The following TNS3 variants were observed in gnomAD, a reference collection of about 807,000 sequenced individuals.
TNS3 encodes the protein tensin-3.
Under a neutral mutation model 140.9 loss-of-function variants are expected in TNS3, and 45 were observed. The observed-to-expected ratio is 0.32, with a 90% confidence interval of 0.25 to 0.41. The LOEUF (loss-of-function observed/expected upper bound fraction) is 0.41, where lower values mean the gene tolerates loss of function less well. Among genes scored for constraint, TNS3 ranks in the 10% least tolerant of loss-of-function variants. The pLI, the probability that TNS3 is intolerant of heterozygous loss-of-function variation, is 1.00. For synonymous variants in TNS3, 815 were observed against 788.4 expected, an observed-to-expected ratio of 1.03 and a Z score of -0.56; for missense variants, 1,716 against 1,906.7, an observed-to-expected ratio of 0.90 and a Z score of 1.86.
chr7:47,293,628 G>C, intron 25 of TNS3, 105 bp downstream of exon 25: 1 of 966,396 alleles, frequency 1.0e-6, no homozygotes, highest in Non-Finnish European at 1.6e-6. Context: ...TGAAATATGA[G>C]TAAACCACCA....
chr7:47,292,596 T>C (rs1008293298), intron 26 of TNS3, among the ~76,000 whole-genome samples: 1 of 152,346 alleles, frequency 6.6e-6, no homozygotes, highest in East Asian at 1.9e-4. Flanking sequence ...TAGAAATCTT[T>C]CATCAAAATC....
intron 13 of TNS3, among the ~76,000 whole-genome samples, chr7:47,408,042 T>C (rs1041493455): frequency 1.3e-5 from 2 of 151,928 alleles, no homozygotes; most frequent in African/African-American, 4.8e-5. Flanking sequence ...CGGGTTCCAG[T>C]GGCCTGAGGG....
chr7:47,452,987 C>G (rs1796086944), intron 4 of TNS3: 1 of 985,446 alleles, frequency 1.0e-6, no homozygotes, highest in Admixed American at 6.1e-5. Flanking sequence ...CTTCCAGAAA[C>G]AGCTCCTCCT....
rs1791484658 is a variant in TNS3 at position 47,377,710 on chromosome 7, C to CCCTCCTCCCTTTCCTCCTCCTCCT, written c.1025-8090_1025-8089insAGGAGGAGGAGGAAAGGGAGGAGG. Among the ~76,000 whole-genome samples the CCCTCCTCCCTTTCCTCCTCCTCCT allele has an allele frequency of 8.8e-5, 10 of 113,980 alleles. 1 individual carries two copies. In the South Asian group the frequency reaches 2.2e-3, roughly 25 times the overall value. 74.8% of individuals were successfully genotyped at this position (113,980 alleles called of 152,430 possible). A position where few individuals can be genotyped will look rare whatever the true frequency, so the allele number is the denominator to read the frequency against. On this transcript the variant is annotated intron_variant, in intron 16 of 30. Transcript: ENST00000311160. ...CTTCCTTCCCTCTTCCTCTTTTTCC[C>CCCTCCTCCCTTTCCTCCTCCTCCT]CCTCCTCCCTTTCCTCCTCCTTCTC...
chr7:47,409,107 AGGAG>A (rs752743768), intron 13 of TNS3, among the ~76,000 whole-genome samples: 73 of 152,216 alleles, frequency 4.8e-4, no homozygotes, highest in Non-Finnish European at 9.0e-4. Context: ...ATGAGGAGGA[AGGAG>A]GGAGGGAGCA....
chr7:47,504,325 G>C (rs913815988), intron 3 of TNS3, among the ~76,000 whole-genome samples: 1 of 152,224 alleles, frequency 6.6e-6, no homozygotes, highest in African/African-American at 2.4e-5. Context: ...TGCCACAGAA[G>C]GGGCTCTGAG....
At chr7:47,453,171 C>T (rs1172538228) in intron 4 of TNS3, 3 of 985,486 alleles carry the variant, frequency 3.0e-6, no homozygotes, top group African/African-American at 3.5e-5. Context: ...CCCGGCCCCA[C>T]GGTGAGCACG....
intron 1 of TNS3, among the ~76,000 whole-genome samples, chr7:47,558,856 G>T (rs1347138449): frequency 6.6e-6 from 1 of 152,170 alleles, no homozygotes; most frequent in East Asian, 1.9e-4. Context: ...CCAAGGCCAT[G>T]AGCAGGAGGA....
intron 13 of TNS3, among the ~76,000 whole-genome samples, chr7:47,408,465 G>C (rs1351017084): frequency 2.6e-5 from 4 of 152,084 alleles, no homozygotes. Flanking sequence ...CCTATGGGGT[G>C]GGTGGGGTGC....
chr7:47,474,558 A>C (rs921807753), intron 4 of TNS3, among the ~76,000 whole-genome samples: 3 of 148,554 alleles, frequency 2.0e-5, no homozygotes, highest in African/African-American at 7.5e-5. Flanking sequence ...CAACACACAC[A>C]GCACAACACA....
intron 17 of TNS3, among the ~76,000 whole-genome samples, chr7:47,350,654 G>A (rs1789613160): frequency 6.6e-6 from 1 of 152,234 alleles, no homozygotes; most frequent in Non-Finnish European, 1.5e-5. Context: ...CCACTTGGCA[G>A]GGGTGGACTC....
chr7:47,462,582 T>C (rs1307680267), intron 4 of TNS3, among the ~76,000 whole-genome samples: 1 of 152,172 alleles, frequency 6.6e-6, no homozygotes, highest in African/African-American at 2.4e-5. Flanking sequence ...CTGTAATTGA[T>C]TAGGTATTGA....
At chr7:47,405,789 G>A (rs866263193) in intron 13 of TNS3, among the ~76,000 whole-genome samples, 5 of 152,028 alleles carry the variant, frequency 3.3e-5, no homozygotes, top group East Asian at 1.9e-4. Flanking sequence ...AAGTGCCCTC[G>A]GTAAGAAACA....
intron 13 of TNS3, among the ~76,000 whole-genome samples, chr7:47,405,765 C>T (rs1183413645): frequency 6.6e-6 from 1 of 152,150 alleles, no homozygotes; most frequent in African/African-American, 2.4e-5. Flanking sequence ...CTTTCATTTT[C>T]CCTGGCCTTA....
chr7:47,418,747 GCATTATTCACAGCCACTTCTA>G (rs2151446308), intron 10 of TNS3, among the ~76,000 whole-genome samples: 1 of 152,328 alleles, frequency 6.6e-6, no homozygotes, highest in Non-Finnish European at 1.5e-5. Context: ...GTTGTCCCTT[GCATTATTCACAGCCACTTCTA>G]ACAGCAAAAA....
chr7:47,392,685 A>C (rs972501218), intron 16 of TNS3, among the ~76,000 whole-genome samples: 2 of 152,234 alleles, frequency 1.3e-5, no homozygotes, highest in Admixed American at 1.3e-4. Context: ...CAGGGACCTG[A>C]GCCAGGCACT....
At chr7:47,301,071 T>G (rs1786373262) in intron 23 of TNS3, among the ~76,000 whole-genome samples, 1 of 152,218 alleles carries the variant, frequency 6.6e-6, no homozygotes, top group Non-Finnish European at 1.5e-5. Context: ...AACTATTCAT[T>G]TCTAGGCATT....
chr7:47,429,370 C>G (rs1048007406), intron 8 of TNS3, among the ~76,000 whole-genome samples: 1 of 125,586 alleles, frequency 8.0e-6, no homozygotes, highest in Non-Finnish European at 1.8e-5. Context: ...TACAATCTGG[C>G]TCTTTTTTTT....
Position 47,439,529 on chromosome 7 carries a change from C to T in TNS3, c.108G>A (p.Glu36=). The T allele has an allele frequency of 6.2e-7, 1 of 1,614,050 alleles. No individual in the cohort carries two copies. Among genetic ancestry groups the T allele is most frequent in the Non-Finnish European group, 8.5e-7 (1 of 1,179,982 alleles). Residue 36 remains glutamate (E), a synonymous_variant, in exon 6 of 31, where the codon GAG becomes GAA. Transcript: ENST00000311160. ...GCTTGGACTTGAGCATGCGCGTGAC[C>T]TCCTGTAGGTTGTGCAGGTAGGACT... ...SEESYLHNLQ[E]VTRMLKSKHG... is the part of the protein sequence containing the mutation.
Sources: allele counts gnomAD v4.1 joint callset (sites outside exome capture counted in the v4.1 genomes callset), GRCh38; gene constraint gnomAD v4.1.1; transcripts MANE v1.5; gene names NCBI Gene and HGNC (gene_info 2026-07-23, HGNC 2026-07-21).